The following DISC1 variants were observed in gnomAD, a reference collection of about 807,000 sequenced individuals.
DISC1 encodes disrupted in schizophrenia 1 protein.
In DISC1, 57 loss-of-function variants were observed where a neutral mutation model predicts 84.5. The ratio of observed to expected loss-of-function variants is 0.67; its 90% CI spans 0.55 to 0.84. The LOEUF is 0.84. Ranked by LOEUF, DISC1 falls within the 40% of genes least tolerant of loss-of-function variation. The pLI is 0.00. For synonymous variants in DISC1, 411 were observed against 415.2 expected (o/e 0.99, Z 0.12); for missense variants, 1,000 against 1,057.8 (o/e 0.95, Z 0.76).
intron 1 of DISC1, among the ~76,000 whole-genome samples, chr1:231,650,388 G>A (rs935035033): frequency 2.0e-5 from 3 of 152,108 alleles, no homozygotes; most frequent in African/African-American, 7.2e-5. Context: ...TTGAATATTG[G>A]CCCCCACTCT....
At chr1:231,816,320 A>G (rs1274804572) in intron 8 of DISC1, among the ~76,000 whole-genome samples, 1 of 152,218 alleles carries the variant, frequency 6.6e-6, no homozygotes, top group East Asian at 1.9e-4. Context: ...GTCAAGTTGT[A>G]GTATTCAATT....
At chr1:232,007,378 G>A (rs1399071233) in intron 10 of DISC1, among the ~76,000 whole-genome samples, 1 of 152,210 alleles carries the variant, frequency 6.6e-6, no homozygotes, top group African/African-American at 2.4e-5. Flanking sequence ...AGCCATAGGG[G>A]TGGAGCTGTC....
Position 231,787,464 on chromosome 1 carries a change from G to C in DISC1, c.1635-7778G>C, listed in dbSNP as rs529167165. 3.3e-5 allele frequency among the ~76,000 whole-genome samples: 5 copies of C among 152,146 alleles called. No individual in the cohort carries two copies. The South Asian group carries it at 1.0e-3, about 32-fold the overall frequency. On this transcript the variant is annotated intron_variant, in intron 6 of 12. Transcript: ENST00000439617. ...AGAGAGAGAGACAGAGAGAGAAAGA[G>C]AGAGACAGAGAAGGGGAGGGGACCA... is the stretch of plus-strand genomic sequence containing the variant.
At chr1:231,972,407 C>T (rs919487225) in intron 10 of DISC1, among the ~76,000 whole-genome samples, 1 of 152,174 alleles carries the variant, frequency 6.6e-6, no homozygotes, top group African/African-American at 2.4e-5. Flanking sequence ...AGCCTTTCAA[C>T]TGGAAGAGTT....
At chr1:231,994,902 G>T (rs752858927) in intron 10 of DISC1, among the ~76,000 whole-genome samples, 1 of 152,116 alleles carries the variant, frequency 6.6e-6, no homozygotes, top group Non-Finnish European at 1.5e-5. Context: ...TTCTAAGGGA[G>T]ACCTGAATAT....
chr1:231,711,922 A>G (rs921338235), intron 3 of DISC1, among the ~76,000 whole-genome samples: 1 of 152,212 alleles, frequency 6.6e-6, no homozygotes, highest in Non-Finnish European at 1.5e-5. Context: ...AAATGTTACC[A>G]TATTTGGAAA....
At chr1:231,806,457 T>C (rs1018982235) in intron 8 of DISC1, among the ~76,000 whole-genome samples, 1 of 152,128 alleles carries the variant, frequency 6.6e-6, no homozygotes, top group Admixed American at 6.5e-5. Context: ...CTGGGAGACC[T>C]GCTGGCTTCT....
At chr1:231,710,047 C>T (rs2125000925) in intron 3 of DISC1, among the ~76,000 whole-genome samples, 1 of 152,216 alleles carries the variant, frequency 6.6e-6, no homozygotes. Context: ...CAGGATGAGG[C>T]AGTGACTTCG....
chr1:231,853,346 C>T (rs183449890), intron 9 of DISC1, among the ~76,000 whole-genome samples: 23 of 152,264 alleles, frequency 1.5e-4, no homozygotes, highest in African/African-American at 5.3e-4. Flanking sequence ...TTACACAAAC[C>T]TAGATGGTGC....
chr1:231,981,516 C>T (rs1572470385), intron 10 of DISC1, among the ~76,000 whole-genome samples: 1 of 152,250 alleles, frequency 6.6e-6, no homozygotes, highest in East Asian at 1.9e-4. Context: ...ATCATTTTCC[C>T]CTGCTTGTTC....
intron 3 of DISC1, chr1:231,722,667 T>C: frequency 6.2e-7 from 1 of 1,610,518 alleles, no homozygotes; most frequent in Non-Finnish European, 8.5e-7. Context: ...TCATGACTTC[T>C]TTAGACATCA....
At chr1:231,931,974 A>G (rs567335900) in intron 9 of DISC1, among the ~76,000 whole-genome samples, 1 of 152,218 alleles carries the variant, frequency 6.6e-6, no homozygotes, top group East Asian at 1.9e-4. Flanking sequence ...ATTTTTCACC[A>G]GCTCATGGCC....
intron 9 of DISC1, among the ~76,000 whole-genome samples, chr1:231,852,224 C>G (rs75832359): frequency 3.3e-5 from 5 of 152,316 alleles, no homozygotes; most frequent in East Asian, 3.9e-4. Flanking sequence ...TACTTTTCCT[C>G]TGTAATAGAT....
chr1:231,856,073 A>G (rs1007147522), intron 9 of DISC1, among the ~76,000 whole-genome samples: 7 of 152,128 alleles, frequency 4.6e-5, no homozygotes, highest in Admixed American at 4.6e-4. Context: ...AACTCATACA[A>G]ATGTTTGTCA....
chr1:231,776,642 C>A (rs1408262073), intron 6 of DISC1, among the ~76,000 whole-genome samples: 1 of 152,236 alleles, frequency 6.6e-6, no homozygotes, highest in Non-Finnish European at 1.5e-5. Context: ...CTGCAGGCAT[C>A]CTCATCACAC....
chr1:231,671,088 A>G (rs1231019910), intron 1 of DISC1, among the ~76,000 whole-genome samples: 1 of 152,158 alleles, frequency 6.6e-6, no homozygotes, highest in Non-Finnish European at 1.5e-5. Flanking sequence ...TCAGAGAATC[A>G]GTCAGGATTC....
intron 9 of DISC1, among the ~76,000 whole-genome samples, chr1:231,820,908 G>A (rs781195051): frequency 1.3e-5 from 2 of 152,176 alleles, no homozygotes; most frequent in Non-Finnish European, 2.9e-5. Flanking sequence ...GGGGAGATTT[G>A]CAGTCTTAGG....
chr1:231,771,471 A>T, intron 6 of DISC1: 1 of 985,438 alleles, frequency 1.0e-6, no homozygotes, highest in Non-Finnish European at 1.2e-6. Context: ...AGCTATTGAG[A>T]GAGGGACACC....
intron 12 of DISC1, among the ~76,000 whole-genome samples, chr1:232,028,909 T>C (rs971285270): frequency 3.9e-5 from 6 of 152,182 alleles, no homozygotes; most frequent in Non-Finnish European, 2.9e-5. Flanking sequence ...TAGGGATTAT[T>C]ATCCCTACTT....
Sources: allele counts gnomAD v4.1 joint callset (sites outside exome capture counted in the v4.1 genomes callset), GRCh38; gene constraint gnomAD v4.1.1; transcripts MANE v1.5; gene names NCBI Gene and HGNC (gene_info 2026-07-23, HGNC 2026-07-21).